The following PPT2 variants were observed in gnomAD, a reference collection of about 807,000 sequenced individuals.
PPT2 encodes lysosomal thioesterase PPT2.
PPT2 carries 20 observed loss-of-function variants against 37.3 expected under a neutral mutation model. That is an observed-to-expected ratio of 0.54 (90% CI 0.38 to 0.78). The LOEUF (loss-of-function observed/expected upper bound fraction) is 0.78, where lower values mean the gene tolerates loss of function less well. PPT2 is among the 30% of genes least tolerant of loss of function. The pLI, the probability that PPT2 is intolerant of heterozygous loss-of-function variation, is 0.00. For synonymous variants in PPT2, 135 were observed against 159.1 expected (o/e 0.85, Z 1.14); for missense variants, 270 against 389.8 (o/e 0.69, Z 2.59).
At position 32,163,003 on chromosome 6, in the gene PPT2, C is replaced by A; in HGVS notation, c.*53C>A. ...CCTCGGTCCAGAGACCAAGTGGTGGCCTTGGAAAGCAGATGTCAGGCTTTG... is the reference window on the plus strand; with the variant it reads ...CCTCGGTCCAGAGACCAAGTGGTGGACTTGGAAAGCAGATGTCAGGCTTTG... On this transcript the variant is annotated 3_prime_UTR_variant, in exon 9 of 9. Coordinates refer to ENST00000324816, the MANE Select transcript of PPT2 (RefSeq NM_005155.7). 2 of 1,538,154 alleles carry A rather than the reference C, an allele frequency of 1.3e-6. No individual in the cohort carries two copies. Among genetic ancestry groups the A allele is most frequent in the Non-Finnish European group, 1.8e-6 (2 of 1,133,098 alleles).
chr6:32,157,800 C>T (rs1397606867), intron 6 of PPT2, 40 bp from the exon 7 acceptor site: 1 of 1,591,248 alleles, frequency 6.3e-7, no homozygotes, highest in Non-Finnish European at 8.6e-7. Context: ...CTGGCCTGAC[C>T]CCTGTGGCTG....
Position 32,154,384 on chromosome 6 carries a change from C to G in PPT2, c.-29C>G. ...AGTCCCCCGAACGCTGAGTTGGAGG[C>G]GGGACTTCGGGTGCGCGTTGGTGCG... On this transcript the variant is annotated 5_prime_UTR_variant, in exon 1 of 9. Coordinates refer to ENST00000324816, the MANE Select transcript of PPT2 (RefSeq NM_005155.7). The surrounding 1 kb of genome is among the most constrained non-coding windows in gnomAD (Gnocchi z 7.3). 7.0e-7 allele frequency: 1 copy of G among 1,432,332 alleles called. No individual in the cohort carries two copies. Among genetic ancestry groups the G allele is most frequent in the Non-Finnish European group, 9.1e-7 (1 of 1,098,090 alleles). The allele number at this position is 1,432,332 out of a possible 1,614,324, so 88.7% of individuals were successfully genotyped here.
At position 32,154,961 on chromosome 6, in the gene PPT2, C is replaced by T. The variant is rs1175886219; in HGVS notation, c.184-69C>T. 1.9e-6 allele frequency: 3 copies of T among 1,599,730 alleles called. No individual in the cohort carries two copies. The highest frequency in any genetic ancestry group is 2.2e-5 in the South Asian group (2 of 90,536). ...GCAGGGTACAATAGACCTGTGGACG[C>T]GGGCCAGGGGGTGGCGTGTGGGAGC... On this transcript the variant is annotated intron_variant, in intron 2 of 8. Coordinates refer to ENST00000324816, the MANE Select transcript of PPT2 (RefSeq NM_005155.7). This position sits in a 1 kb window ranked among gnomAD's most constrained non-coding sequence, Gnocchi z 7.3.
upstream of PPT2, chr6:32,154,058 A>C: frequency 8.1e-6 from 9 of 1,110,392 alleles, no homozygotes; most frequent in Non-Finnish European, 8.8e-6. The surrounding 1 kb of genome is among the most constrained non-coding windows in gnomAD (Gnocchi z 7.3). Context: ...TGTTGCGGGG[A>C]ACGCTCGCGC....
rs1224809374 is a variant in PPT2, at chr6:32,162,336, C to T, written c.711-232C>T. Among the ~76,000 whole-genome samples the T allele has an allele frequency of 6.6e-6, 1 of 152,232 alleles. No homozygotes were observed. The highest frequency in any genetic ancestry group is 1.5e-5 in the Non-Finnish European group (1 of 68,044). On this transcript the variant is annotated intron_variant, in intron 7 of 8. Coordinates refer to ENST00000324816, the MANE Select transcript of PPT2 (RefSeq NM_005155.7). This position sits in a 1 kb window ranked among gnomAD's most constrained non-coding sequence, Gnocchi z 5.5. ...CCGGGTTCAAGTAATTATCCTGCCT[C>T]AGCCTCTTGGGTAGCTGGGCTTGCA...
At chr6:32,157,512 C>T in intron 5 of PPT2, 125 bp from the exon 6 acceptor site, 1 of 816,740 alleles carries the variant, frequency 1.2e-6, no homozygotes, top group Non-Finnish European at 2.0e-6. Context: ...CGCACCTGGC[C>T]TACATTATCA....
At chr6:32,157,280 G>A in intron 5 of PPT2, 1 of 344,298 alleles carries the variant, frequency 2.9e-6, no homozygotes, top group South Asian at 3.4e-5. Flanking sequence ...GAGTGCAGTG[G>A]TGCAGTCTCG....
Position 32,154,451 on chromosome 6 carries a change from G to A in PPT2, c.-9+47G>A, listed in dbSNP as rs1276306324. 1.0e-5 allele frequency: 15 copies of A among 1,490,378 alleles called. No homozygotes were observed. The highest frequency in any genetic ancestry group is 1.2e-5 in the Non-Finnish European group (13 of 1,126,066). 92.3% of individuals were successfully genotyped at this position (1,490,378 alleles called of 1,614,324 possible). ...GTGTGTTTGTAGGGAGAGGGCTGGA[G>A]TAAGTTAAAAGTAGGCTATTTTGTG... On this transcript the variant is annotated intron_variant, in intron 1 of 8. Transcript: ENST00000324816. This position sits in a 1 kb window ranked among gnomAD's most constrained non-coding sequence, Gnocchi z 7.3.
At chr6:32,159,667 G>A (rs1451599719) in intron 7 of PPT2, among the ~76,000 whole-genome samples, 1 of 150,838 alleles carries the variant, frequency 6.6e-6, no homozygotes. Flanking sequence ...CCCTATGAAT[G>A]ACAGTGATAG....
chr6:32,160,447 G>A (rs1784082299), intron 7 of PPT2, among the ~76,000 whole-genome samples: 1 of 151,124 alleles, frequency 6.6e-6, no homozygotes, highest in Non-Finnish European at 1.5e-5. Context: ...GAGGCGGGTG[G>A]ATCACCTGAG....
chr6:32,155,619 G>T lies in PPT2; in HGVS notation c.338-69G>T, dbSNP rs201676427. 2 of 886,256 alleles carry T rather than the reference G, an allele frequency of 2.3e-6. No homozygotes were observed. The highest frequency in any genetic ancestry group is 3.6e-6 in the Non-Finnish European group (2 of 558,062). The allele number at this position is 886,256 out of a possible 1,614,324, so 54.9% of individuals were successfully genotyped here. A position where few individuals can be genotyped will look rare whatever the true frequency, so the allele number is the denominator to read the frequency against. On this transcript the variant is annotated intron_variant, in intron 3 of 8. Coordinates refer to ENST00000324816, the MANE Select transcript of PPT2 (RefSeq NM_005155.7). The surrounding 1 kb of genome is among the most constrained non-coding windows in gnomAD (Gnocchi z 4.3). ...GTGTGTGTGTGTGTGTGTGTGTGTG[G>T]TGGGGGTGGGGGGTGCTGCTGGCTT...
Position 32,155,234 on chromosome 6 carries a change from C to A in PPT2, c.337+51C>A. 1 of 1,597,216 alleles carries A rather than the reference C, an allele frequency of 6.3e-7. No individual in the cohort carries two copies. The highest frequency in any genetic ancestry group is 2.2e-5 in the East Asian group (1 of 44,658). ...CCTAAGCCCTATCTGAGGCTTGATC[C>A]TTATCTGAGGGACACTTCCTAGCGT... is the stretch of plus-strand genomic sequence containing the variant. On this transcript the variant is annotated intron_variant, in intron 3 of 8. Transcript: ENST00000324816. The surrounding 1 kb of genome is among the most constrained non-coding windows in gnomAD (Gnocchi z 4.3).
chr6:32,159,112 T>C (rs1783974623), intron 7 of PPT2, among the ~76,000 whole-genome samples: 1 of 152,042 alleles, frequency 6.6e-6, no homozygotes, highest in South Asian at 2.1e-4. Flanking sequence ...CTCCAGAACT[T>C]CTTTTTCCCC....
At position 32,155,861 on chromosome 6, in the gene PPT2, C is replaced by T. The variant is rs746909397; in HGVS notation, c.434-10C>T. 5 of 1,612,872 alleles carry T rather than the reference C, an allele frequency of 3.1e-6. No homozygotes were observed. Among genetic ancestry groups the T allele is most frequent in the South Asian group, 1.1e-5 (1 of 91,050 alleles). ...TTTATGGTCACTTAGCATTGCCATT[C>T]GCTTGCCAGACACGGACTACTTGAA... On this transcript the variant is annotated splice_polypyrimidine_tract_variant and intron_variant, in intron 4 of 8. Coordinates refer to ENST00000324816, the MANE Select transcript of PPT2 (RefSeq NM_005155.7). This position sits in a 1 kb window ranked among gnomAD's most constrained non-coding sequence, Gnocchi z 4.3.
chr6:32,154,467 C>T lies in PPT2; in HGVS notation c.-9+63C>T. On this transcript the variant is annotated intron_variant, in intron 1 of 8. Transcript: ENST00000324816. The surrounding 1 kb of genome is among the most constrained non-coding windows in gnomAD (Gnocchi z 7.3). Reference sequence around the variant, plus strand: ...AGGGCTGGAGTAAGTTAAAAGTAGGCTATTTTGTGACACGGACCTGGTGTG... The same window carrying T: ...AGGGCTGGAGTAAGTTAAAAGTAGGTTATTTTGTGACACGGACCTGGTGTG... 1 of 1,496,890 alleles carries T rather than the reference C, an allele frequency of 6.7e-7. No homozygotes were observed. 92.7% of individuals were successfully genotyped at this position (1,496,890 alleles called of 1,614,324 possible).
In PPT2 at chr6:32,155,325, C is replaced by G; in HGVS notation, c.337+142C>G. On this transcript the variant is annotated intron_variant, in intron 3 of 8. Coordinates refer to ENST00000324816, the MANE Select transcript of PPT2 (RefSeq NM_005155.7). This position sits in a 1 kb window ranked among gnomAD's most constrained non-coding sequence, Gnocchi z 4.3. ...ACCTGAGCCCTTCCTTTCTGACTTC[C>G]CTCAGCACCTGGGTCTCATCTCTGT... 1 of 977,092 alleles carries G rather than the reference C, an allele frequency of 1.0e-6. No homozygotes were observed. The highest frequency in any genetic ancestry group is 1.5e-6 in the Non-Finnish European group (1 of 661,382). 60.5% of individuals were successfully genotyped at this position (977,092 alleles called of 1,614,324 possible).
intron 7 of PPT2, among the ~76,000 whole-genome samples, chr6:32,160,437 G>A (rs1158834384): frequency 2.0e-5 from 3 of 151,568 alleles, no homozygotes; most frequent in African/African-American, 7.2e-5. Flanking sequence ...TTGGGAAGCC[G>A]AGGCGGGTGG....
intron 7 of PPT2, among the ~76,000 whole-genome samples, chr6:32,161,590 C>CTTTT (rs9281664): frequency 1.7e-5 from 2 of 115,404 alleles, no homozygotes; most frequent in Non-Finnish European, 3.6e-5. Flanking sequence ...CACCTGGCCT[C>CTTTT]TTTTTTTTTT....
Position 32,156,077 on chromosome 6 carries a change from T to C in PPT2, c.541+99T>C. The C allele has an allele frequency of 1.0e-6, 1 of 975,220 alleles. No individual in the cohort carries two copies. The highest frequency in any genetic ancestry group is 3.0e-4 in the Middle Eastern group (1 of 3,304). 60.4% of individuals were successfully genotyped at this position (975,220 alleles called of 1,614,324 possible). ...GTGATGACAATAAAGATAACTTACA[T>C]TTATTGAGTTATTTGAACAGGCTCT... On this transcript the variant is annotated intron_variant, in intron 5 of 8. Coordinates refer to ENST00000324816, the MANE Select transcript of PPT2 (RefSeq NM_005155.7). The surrounding 1 kb of genome is among the most constrained non-coding windows in gnomAD (Gnocchi z 4.9).
Sources: allele counts gnomAD v4.1 joint callset (sites outside exome capture counted in the v4.1 genomes callset), GRCh38; gene constraint gnomAD v4.1.1; non-coding constraint Gnocchi (gnomAD v3.1); transcripts MANE v1.5; gene names NCBI Gene and HGNC (gene_info 2026-07-23, HGNC 2026-07-21).